Variants in UMAD1 observed in about 807,000 individuals in gnomAD.
The protein encoded by UMAD1 is UBAP1-MVB12-associated (UMA)-domain containing protein 1.
In UMAD1, 8 loss-of-function variants were observed where a neutral mutation model predicts 6.1. That is an observed-to-expected ratio of 1.30 (90% confidence interval 0.76 to 2.35). The LOEUF is 2.35. Ranked by LOEUF, UMAD1 falls within the 30% of genes most tolerant of loss-of-function variation. The pLI, the probability that UMAD1 is intolerant of heterozygous loss-of-function variation, is 0.00. For synonymous variants in UMAD1, 56 were observed against 31.4 expected (o/e 1.78, Z -2.61); for missense variants, 130 against 78.4 (o/e 1.66, Z -2.49).
chr7:7,688,377 G>A (rs1317296957), intron 2 of UMAD1, among the ~76,000 whole-genome samples: 1 of 151,820 alleles, frequency 6.6e-6, no homozygotes. Flanking sequence ...CTTTTTACTT[G>A]TTATCTTAAA....
intron 3 of UMAD1, among the ~76,000 whole-genome samples, chr7:7,834,927 C>T (rs1182630856): frequency 1.3e-5 from 2 of 152,088 alleles, no homozygotes; most frequent in South Asian, 2.1e-4. Flanking sequence ...GGCATGTCTT[C>T]CCACTGTGAA....
chr7:7,871,776 C>G (rs1195110488), intron 3 of UMAD1, among the ~76,000 whole-genome samples: 2 of 151,736 alleles, frequency 1.3e-5, no homozygotes, highest in Non-Finnish European at 2.9e-5. Flanking sequence ...AATTTTTTTA[C>G]TGTACTAGAT....
chr7:7,694,409 A>C (rs764428581), intron 2 of UMAD1, among the ~76,000 whole-genome samples: 22 of 152,074 alleles, frequency 1.4e-4, no homozygotes, highest in Non-Finnish European at 1.0e-4. Flanking sequence ...AGTTATTCTA[A>C]AATGTATAAC....
In UMAD1 at chr7:7,789,619, T is replaced by TC. The variant is rs200939941; in HGVS notation, c.83-12047dup. On this transcript the variant is annotated intron_variant, in intron 2 of 3. Transcript: ENST00000682710. ...TACTCGTTAAACAAAATACCCCTTC[T>TC]CCCCTCCCCACAGACCCTGGAAACC... Among the ~76,000 whole-genome samples the TC allele has an allele frequency of 5.4e-3, 796 of 146,058 alleles. 22 individuals carry two copies. The highest frequency in any genetic ancestry group is 0.02 in the African/African-American group (752 of 37,906).
intron 3 of UMAD1, among the ~76,000 whole-genome samples, chr7:7,802,974 G>A (rs1782832300): frequency 6.6e-6 from 1 of 152,192 alleles, no homozygotes. Context: ...GATATAGGAA[G>A]TAAATTCATG....
At chr7:7,800,663 C>T (rs1222864651) in intron 2 of UMAD1, among the ~76,000 whole-genome samples, 2 of 152,162 alleles carry the variant, frequency 1.3e-5, no homozygotes, top group Admixed American at 6.5e-5. Flanking sequence ...AAATCCTTCA[C>T]AATTTTCATG....
At chr7:7,800,275 A>G (rs368853541) in intron 2 of UMAD1, among the ~76,000 whole-genome samples, 3 of 152,258 alleles carry the variant, frequency 2.0e-5, no homozygotes, top group East Asian at 3.8e-4. Flanking sequence ...GGCCCTGCCC[A>G]ACAATAATAA....
At chr7:7,833,715 G>A (rs369436498) in intron 3 of UMAD1, among the ~76,000 whole-genome samples, 4 of 152,136 alleles carry the variant, frequency 2.6e-5, no homozygotes, top group Non-Finnish European at 4.4e-5. Context: ...TGTGAAAAAC[G>A]AATTAGAAAA....
At chr7:7,730,324 G>T (rs986479070) in intron 2 of UMAD1, among the ~76,000 whole-genome samples, 32 of 152,186 alleles carry the variant, frequency 2.1e-4, no homozygotes, top group African/African-American at 7.5e-4. Flanking sequence ...CACCTGGCAG[G>T]GACGTTTTAG....
chr7:7,686,421 A>G (rs958493058), intron 2 of UMAD1, among the ~76,000 whole-genome samples: 1 of 151,996 alleles, frequency 6.6e-6, no homozygotes, highest in African/African-American at 2.4e-5. Flanking sequence ...GTTTTTTTGT[A>G]TTTTTTATCA....
intron 2 of UMAD1, among the ~76,000 whole-genome samples, chr7:7,709,033 T>G (rs1303181932): frequency 2.0e-5 from 3 of 151,890 alleles, no homozygotes; most frequent in Non-Finnish European, 2.9e-5. Flanking sequence ...AGGAAAACAG[T>G]CCTAACTATT....
chr7:7,677,288 A>G (rs1779765198), intron 2 of UMAD1, among the ~76,000 whole-genome samples: 1 of 152,156 alleles, frequency 6.6e-6, no homozygotes, highest in South Asian at 2.1e-4. Flanking sequence ...AAAAATATAC[A>G]ATAAATTATT....
chr7:7,744,867 A>T (rs1251119810), intron 2 of UMAD1, among the ~76,000 whole-genome samples: 1 of 152,010 alleles, frequency 6.6e-6, no homozygotes, highest in African/African-American at 2.4e-5. Context: ...CCCATTCTGT[A>T]GGTTGTCTTT....
chr7:7,655,402 A>G (rs1188780537), intron 1 of UMAD1, among the ~76,000 whole-genome samples: 1 of 152,236 alleles, frequency 6.6e-6, no homozygotes, highest in Non-Finnish European at 1.5e-5. Context: ...ATCAAGAAAA[A>G]ATAAAATAAA....
At chr7:7,771,124 G>A (rs189298090) in intron 2 of UMAD1, among the ~76,000 whole-genome samples, 2 of 145,790 alleles carry the variant, frequency 1.4e-5, no homozygotes, top group East Asian at 2.0e-4. Context: ...GTTTTTGTTA[G>A]TTTTTTTTTT....
chr7:7,778,124 G>A (rs1782257457), intron 2 of UMAD1, among the ~76,000 whole-genome samples: 1 of 151,974 alleles, frequency 6.6e-6, no homozygotes, highest in African/African-American at 2.4e-5. Flanking sequence ...GCAATATTAG[G>A]TTCTCTGAAA....
intron 1 of UMAD1, among the ~76,000 whole-genome samples, chr7:7,669,063 G>C (rs533600822): frequency 6.9e-6 from 1 of 143,934 alleles, no homozygotes; most frequent in South Asian, 2.2e-4. Context: ...TATATAGACA[G>C]TGGCCCCAGC....
chr7:7,682,761 C>T (rs13225575), intron 2 of UMAD1, among the ~76,000 whole-genome samples: 24,968 of 152,228 alleles, frequency 0.16, 2,492 homozygotes, highest in Middle Eastern at 0.25. Context: ...CAGAAAAACT[C>T]GATTTACATT....
intron 3 of UMAD1, among the ~76,000 whole-genome samples, chr7:7,832,595 T>C (rs1293597194): frequency 6.6e-6 from 1 of 152,218 alleles, no homozygotes; most frequent in Non-Finnish European, 1.5e-5. Context: ...TTTTGGCTTT[T>C]AATGGTGAGT....
Sources: gnomAD v4.1 joint callset for allele counts (sites outside exome capture counted in the v4.1 genomes callset) on GRCh38, gnomAD v4.1.1 for gene constraint, MANE v1.5 for transcripts, NCBI Gene and HGNC (gene_info 2026-07-23, HGNC 2026-07-21) for gene names.